TMCO5A: variants seen among roughly 807,000 people sequenced by gnomAD.
The protein encoded by TMCO5A is transmembrane and coiled-coil domain-containing protein 5A.
A neutral mutation model predicts 42.3 loss-of-function variants in TMCO5A; 34 were observed. That is an observed-to-expected ratio of 0.80 (90% CI 0.61 to 1.07). The LOEUF (loss-of-function observed/expected upper bound fraction) is 1.07. Ranked by LOEUF, TMCO5A falls within the 50% of genes least tolerant of loss-of-function variation. The pLI is 0.00. For missense variants in TMCO5A, 357 were observed against 327.9 expected, an observed-to-expected ratio of 1.09 and a Z score of -0.69; for synonymous variants, 131 against 115.6, an observed-to-expected ratio of 1.13 and a Z score of -0.86.
Position 37,936,509 on chromosome 15 carries a change from G to T in TMCO5A, c.140+46G>T, listed in dbSNP as rs201698035. Reference sequence around the variant, plus strand: ...AGGGAAGTTCCCAATCCAAAGAAGGGGTGGAGGACCAAAACCAAAACTGAA... The same window carrying T: ...AGGGAAGTTCCCAATCCAAAGAAGGTGTGGAGGACCAAAACCAAAACTGAA... On this transcript the variant is annotated intron_variant, in intron 3 of 11. Transcript: ENST00000319669. The T allele has an allele frequency of 5.1e-6, 8 of 1,574,312 alleles. No individual in the cohort carries two copies. In the East Asian group the frequency reaches 1.6e-4, roughly 31 times the overall value.
chr15:37,942,298 C>A (rs1889776122), intron 9 of TMCO5A, 43 bp downstream of exon 9: 1 of 1,586,474 alleles, frequency 6.3e-7, no homozygotes, highest in East Asian at 2.2e-5. Context: ...GTAGAAACTC[C>A]ATCTCAGCCT....
At chr15:37,960,184 CT>C (rs1000119165) in intron 11 of TMCO5A, among the ~76,000 whole-genome samples, 10 of 151,932 alleles carry the variant, frequency 6.6e-5, no homozygotes, top group African/African-American at 2.4e-4. Flanking sequence ...CCCTCACCCC[CT>C]ACCACTCTTC....
chr15:38,017,222 C>G, the TMCO5A span, among the ~76,000 whole-genome samples: 1 of 152,146 alleles, frequency 6.6e-6, no homozygotes, highest in Admixed American at 6.6e-5. Flanking sequence ...CATATAGAAT[C>G]AAATTAATTT....
the TMCO5A span, among the ~76,000 whole-genome samples, chr15:38,037,589 A>G: frequency 5.3e-5 from 8 of 152,344 alleles, no homozygotes; most frequent in Non-Finnish European, 1.0e-4. Context: ...GTGCAGACCA[A>G]TAAGTAGAGA....
At chr15:37,973,068 C>G in the TMCO5A span, among the ~76,000 whole-genome samples, 1 of 152,012 alleles carries the variant, frequency 6.6e-6, no homozygotes, top group African/African-American at 2.4e-5. Flanking sequence ...TCAACTTTGT[C>G]AAAGATCAGA....
chr15:37,970,507 T>C (rs1189537666), downstream of TMCO5A, among the ~76,000 whole-genome samples: 1 of 152,188 alleles, frequency 6.6e-6, no homozygotes, highest in Non-Finnish European at 1.5e-5. Flanking sequence ...CCAAATCTTA[T>C]TTCCTCACAT....
the TMCO5A span, among the ~76,000 whole-genome samples, chr15:38,000,017 G>C: frequency 4.6e-5 from 7 of 152,182 alleles, no homozygotes; most frequent in East Asian, 1.4e-3. Context: ...TTTGGTATCA[G>C]GGTAATACTG....
chr15:38,026,384 C>T, the TMCO5A span, among the ~76,000 whole-genome samples: 1 of 152,082 alleles, frequency 6.6e-6, no homozygotes, highest in Non-Finnish European at 1.5e-5. Context: ...TTGCCCCTGC[C>T]CTAGAGATCT....
At chr15:38,024,229 G>T in the TMCO5A span, among the ~76,000 whole-genome samples, 1 of 152,180 alleles carries the variant, frequency 6.6e-6, no homozygotes, top group Non-Finnish European at 1.5e-5. Flanking sequence ...AGAGGAAAAG[G>T]GATGAGAAGA....
chr15:37,996,027 C>CCTAGG, the TMCO5A span, among the ~76,000 whole-genome samples: 15 of 152,188 alleles, frequency 9.9e-5, no homozygotes, highest in Non-Finnish European at 8.8e-5. Flanking sequence ...GACGTTAATT[C>CCTAGG]TGCAAATAAG....
At chr15:37,990,348 A>G in the TMCO5A span, among the ~76,000 whole-genome samples, 1 of 152,092 alleles carries the variant, frequency 6.6e-6, no homozygotes, top group Admixed American at 6.6e-5. Flanking sequence ...AGAAACTTCT[A>G]TTAAAATATA....
chr15:37,959,204 G>A (rs759829229), intron 11 of TMCO5A, among the ~76,000 whole-genome samples: 3 of 151,810 alleles, frequency 2.0e-5, no homozygotes, highest in Non-Finnish European at 4.4e-5. Flanking sequence ...ACCATGGCAC[G>A]TGTATACGTA....
chr15:37,958,829 C>A (rs1484672300), intron 11 of TMCO5A, among the ~76,000 whole-genome samples: 1 of 151,966 alleles, frequency 6.6e-6, no homozygotes, highest in Non-Finnish European at 1.5e-5. Flanking sequence ...CGTATGTTTA[C>A]TGTGGCACTG....
the TMCO5A span, among the ~76,000 whole-genome samples, chr15:37,978,477 G>A: frequency 6.6e-6 from 1 of 152,194 alleles, no homozygotes; most frequent in African/African-American, 2.4e-5. Context: ...CTAGGGGGTG[G>A]GGGCTCACAG....
the TMCO5A span, among the ~76,000 whole-genome samples, chr15:37,992,448 A>G: frequency 1.7e-3 from 266 of 152,290 alleles, no homozygotes; most frequent in African/African-American, 6.1e-3. Context: ...TGATTCCTCA[A>G]AGAACTAAAA....
chr15:38,009,645 T>C, the TMCO5A span, among the ~76,000 whole-genome samples: 6 of 152,284 alleles, frequency 3.9e-5, no homozygotes, highest in African/African-American at 1.2e-4. Context: ...AGCTTAAGCA[T>C]ATAATGGGAA....
At chr15:37,960,401 A>C (rs1053039103) in intron 11 of TMCO5A, among the ~76,000 whole-genome samples, 3 of 151,980 alleles carry the variant, frequency 2.0e-5, no homozygotes, top group African/African-American at 7.2e-5. Flanking sequence ...CCATCATATA[A>C]ATATACCACA....
At chr15:37,969,870 T>C (rs1595614303), downstream of TMCO5A, among the ~76,000 whole-genome samples, 11 of 152,234 alleles carry the variant, frequency 7.2e-5, no homozygotes. Flanking sequence ...TCTTGTTCTT[T>C]TTTTATGGTT....
At chr15:37,989,449 T>C in the TMCO5A span, among the ~76,000 whole-genome samples, 4 of 152,070 alleles carry the variant, frequency 2.6e-5, no homozygotes, top group East Asian at 7.7e-4. Context: ...ACAAATTTCC[T>C]CCTCAGCACT....
Sources: allele counts gnomAD v4.1 joint callset (sites outside exome capture counted in the v4.1 genomes callset), GRCh38; gene constraint gnomAD v4.1.1; transcripts MANE v1.5; gene names NCBI Gene and HGNC (gene_info 2026-07-23, HGNC 2026-07-21).